The following NUP93 variants were observed in gnomAD, a reference collection of about 807,000 sequenced individuals.
NUP93 encodes the protein nuclear pore complex protein Nup93.
NUP93 carries 55 observed loss-of-function variants against 107.8 expected under a neutral mutation model. The ratio of observed to expected loss-of-function variants is 0.51; its 90% CI spans 0.41 to 0.64. The LOEUF is 0.64. NUP93 is among the 30% of genes least tolerant of loss of function. The pLI is 0.00. For missense variants in NUP93, 937 were observed against 1,044.7 expected, an observed-to-expected ratio of 0.90 and a Z score of 1.42; for synonymous variants, 390 against 397.5, an observed-to-expected ratio of 0.98 and a Z score of 0.22.
chr16:56,826,001 G>T (rs1299756328), intron 8 of NUP93, among the ~76,000 whole-genome samples: 2 of 152,178 alleles, frequency 1.3e-5, no homozygotes, highest in Non-Finnish European at 2.9e-5. Context: ...GGGCTGAAAT[G>T]TTGTGAAAAT....
At chr16:56,823,263 T>C (rs1188638854) in intron 7 of NUP93, among the ~76,000 whole-genome samples, 1 of 152,196 alleles carries the variant, frequency 6.6e-6, no homozygotes, top group East Asian at 1.9e-4. Context: ...TGTATTATTA[T>C]GTTAAAGTCT....
At chr16:56,733,762 C>T (rs1247669944) in intron 1 of NUP93, among the ~76,000 whole-genome samples, 4 of 152,138 alleles carry the variant, frequency 2.6e-5, no homozygotes, top group Non-Finnish European at 2.9e-5. Context: ...CACTTATTTG[C>T]CTTGTATTAA....
chr16:56,766,728 T>G (rs1962222600), intron 3 of NUP93, among the ~76,000 whole-genome samples: 1 of 152,222 alleles, frequency 6.6e-6, no homozygotes, highest in Admixed American at 6.5e-5. Flanking sequence ...ATGTGGCAGT[T>G]GGCAAACTGA....
chr16:56,795,673 T>C (rs1037417925), intron 3 of NUP93, among the ~76,000 whole-genome samples: 64 of 152,142 alleles, frequency 4.2e-4, no homozygotes, highest in African/African-American at 1.4e-3. Flanking sequence ...TTTTTTGAGA[T>C]GGAGTATCTG....
At chr16:56,765,713 G>T (rs1261736466) in intron 3 of NUP93, among the ~76,000 whole-genome samples, 1 of 152,098 alleles carries the variant, frequency 6.6e-6, no homozygotes, top group Non-Finnish European at 1.5e-5. Context: ...GCTGTTCCTT[G>T]TCATTAAACC....
chr16:56,843,695 C>T (rs1423868052), intron 21 of NUP93, among the ~76,000 whole-genome samples: 2 of 152,192 alleles, frequency 1.3e-5, no homozygotes, highest in Non-Finnish European at 2.9e-5. Context: ...GTTTGGACAT[C>T]AATAAGGACA....
chr16:56,802,306 A>AC (rs1181246796), intron 4 of NUP93, among the ~76,000 whole-genome samples: 6 of 60,158 alleles, frequency 1.0e-4, no homozygotes, highest in Non-Finnish European at 2.1e-4. Context: ...CTTCCCCCCC[A>AC]CCCCCACCCC....
At chr16:56,775,718 A>G (rs541254003) in intron 3 of NUP93, among the ~76,000 whole-genome samples, 3 of 152,242 alleles carry the variant, frequency 2.0e-5, no homozygotes, top group African/African-American at 7.2e-5. Context: ...TCCCAAAAAA[A>G]TGTTAGAATT....
intron 13 of NUP93, 36 bp downstream of exon 13, chr16:56,833,442 C>G: frequency 6.8e-7 from 1 of 1,467,562 alleles, no homozygotes; most frequent in African/African-American, 1.5e-5. Flanking sequence ...GTAATGTAAC[C>G]ACAGCACGTC....
chr16:56,756,643 CT>C (rs1471069523), intron 2 of NUP93, among the ~76,000 whole-genome samples: 6 of 151,868 alleles, frequency 4.0e-5, no homozygotes, highest in African/African-American at 9.7e-5. Context: ...ATTTATAATC[CT>C]TTGGTTATAT....
chr16:56,758,789 C>T, intron 3 of NUP93, 134 bp downstream of exon 3: 1 of 639,230 alleles, frequency 1.6e-6, no homozygotes. Context: ...ATTAAGAGAA[C>T]AGTAGATTCA....
At chr16:56,752,546 A>G (rs1372036307) in intron 2 of NUP93, among the ~76,000 whole-genome samples, 2 of 152,208 alleles carry the variant, frequency 1.3e-5, no homozygotes, top group Admixed American at 6.5e-5. Flanking sequence ...TTCATGGATC[A>G]GAAGACTTAA....
intron 7 of NUP93, among the ~76,000 whole-genome samples, chr16:56,822,070 T>C (rs1485376439): frequency 1.4e-5 from 2 of 147,908 alleles, no homozygotes; most frequent in African/African-American, 5.1e-5. Flanking sequence ...TCACCCTTTA[T>C]TCCTGGCCAG....
At chr16:56,809,512 A>G (rs1250925342) in intron 5 of NUP93, among the ~76,000 whole-genome samples, 15 of 152,118 alleles carry the variant, frequency 9.9e-5, no homozygotes, top group African/African-American at 3.4e-4. Flanking sequence ...GTGCTTCCTG[A>G]TAAGTCTTTT....
At chr16:56,841,140 T>C (rs1280537279) in intron 20 of NUP93, among the ~76,000 whole-genome samples, 1 of 152,258 alleles carries the variant, frequency 6.6e-6, no homozygotes, top group South Asian at 2.1e-4. Context: ...CTGTGGCTTC[T>C]ACCCTTAGCC....
At position 56,821,280 on chromosome 16, in the gene NUP93, C is replaced by T. The variant is rs80261911; in HGVS notation, c.565-224C>T. 0.092 allele frequency among the ~76,000 whole-genome samples: 14,031 copies of T among 152,128 alleles called. 678 individuals are homozygous for T. The highest frequency in any genetic ancestry group is 0.15 in the East Asian group (774 of 5,154). On this transcript the variant is annotated intron_variant, in intron 6 of 21. Transcript: ENST00000308159. Reference sequence around the variant, plus strand: ...CTGTGGTTCTTCTCCCCCTGGACCCCGCTGCTCCCGTTCCTCAGGTGTTTG... The same window carrying T: ...CTGTGGTTCTTCTCCCCCTGGACCCTGCTGCTCCCGTTCCTCAGGTGTTTG...
intron 5 of NUP93, 70 bp from the exon 6 acceptor site, chr16:56,818,594 G>T (rs1221124023): frequency 2.6e-6 from 3 of 1,176,020 alleles, no homozygotes; most frequent in Non-Finnish European, 3.8e-6. Context: ...ATATGTTTAT[G>T]ATGTGATTTG....
chr16:56,741,158 C>T (rs551500107), intron 1 of NUP93, among the ~76,000 whole-genome samples: 8 of 152,272 alleles, frequency 5.3e-5, no homozygotes, highest in African/African-American at 1.7e-4. Context: ...GAAGTTCTTA[C>T]TTAATGATAT....
chr16:56,789,363 T>A (rs1237558557), intron 3 of NUP93, among the ~76,000 whole-genome samples: 1 of 152,262 alleles, frequency 6.6e-6, no homozygotes, highest in Non-Finnish European at 1.5e-5. Flanking sequence ...TGGGGGCAAA[T>A]AATTTGTTTT....
Sources: allele counts gnomAD v4.1 joint callset (sites outside exome capture counted in the v4.1 genomes callset), GRCh38; gene constraint gnomAD v4.1.1; transcripts MANE v1.5; gene names NCBI Gene and HGNC (gene_info 2026-07-23, HGNC 2026-07-21).